Variants in OGFOD1 observed in about 807,000 individuals in gnomAD.
OGFOD1 encodes prolyl 3-hydroxylase OGFOD1.
OGFOD1 carries 54 observed loss-of-function variants against 67.7 expected under a neutral mutation model. The ratio of observed to expected loss-of-function variants is 0.80; its 90% CI spans 0.64 to 1.00. The LOEUF (loss-of-function observed/expected upper bound fraction) is 1.00, where lower values mean the gene tolerates loss of function less well. Ranked by LOEUF, OGFOD1 falls within the 50% of genes least tolerant of loss-of-function variation. The pLI, the probability that OGFOD1 is intolerant of heterozygous loss-of-function variation, is 0.00. For missense variants in OGFOD1, 606 were observed against 646.7 expected (o/e 0.94, Z 0.68); for synonymous variants, 221 against 227.0 (o/e 0.97, Z 0.24).
At chr16:56,466,989 T>C in intron 6 of OGFOD1, 22 bp downstream of exon 6, 2 of 1,570,400 alleles carry the variant, frequency 1.3e-6, no homozygotes, top group Non-Finnish European at 1.8e-6. Flanking sequence ...AAGCCACAAA[T>C]AGAGTAGCAA....
intron 1 of OGFOD1, among the ~76,000 whole-genome samples, chr16:56,452,596 G>GT (rs1409166184): frequency 1.9e-4 from 29 of 152,200 alleles, no homozygotes; most frequent in African/African-American, 6.5e-4. Context: ...ATAGCTTAGT[G>GT]TTTAAGTGCA....
chr16:56,452,873 G>A (rs892377405), intron 1 of OGFOD1, among the ~76,000 whole-genome samples: 3 of 152,072 alleles, frequency 2.0e-5, no homozygotes, highest in Non-Finnish European at 4.4e-5. Flanking sequence ...CTTGGGAAAA[G>A]CAAAAGCAGG....
At chr16:56,452,154 G>C (rs112108616) in intron 1 of OGFOD1, 12 of 170,886 alleles carry the variant, frequency 7.0e-5, no homozygotes, top group African/African-American at 2.6e-4. Flanking sequence ...ATTTACCTCG[G>C]AAAGTCGGTG....
At chr16:56,455,645 C>T (rs183652958) in intron 2 of OGFOD1, among the ~76,000 whole-genome samples, 17 of 152,292 alleles carry the variant, frequency 1.1e-4, no homozygotes, top group Admixed American at 5.2e-4. Flanking sequence ...GGGTCTCTGA[C>T]ATCTTCCAAC....
In OGFOD1 at chr16:56,467,975, A is replaced by T. The variant is rs1962976830; in HGVS notation, c.857A>T (p.Glu286Val). Residue 286 changes from glutamate to valine, a missense_variant, in exon 8 of 13, where the codon GAG (glutamate) becomes GTG (valine). Coordinates refer to ENST00000566157, the MANE Select transcript of OGFOD1 (RefSeq NM_018233.4). ...GATTACCAAGTTCAAATTCAAGAAG[A>T]GTTTGAAGAAAGTTCTGAAATTCTC... Reference protein sequence around the residue: ...DMDYQVQIQEEFEESSEILLK... With the variant: ...DMDYQVQIQEVFEESSEILLK... 1.9e-6 allele frequency: 3 copies of T among 1,604,610 alleles called. No homozygotes were observed. In the East Asian group the frequency reaches 6.7e-5, roughly 36 times the overall value.
In OGFOD1 at chr16:56,466,267, T is replaced by C. The variant is rs751253074; in HGVS notation, c.564T>C (p.Asp188=). ...MGGTLDLYSI[D]EHFQPKQIVK... is the part of the protein sequence containing the mutation. ...GTACCCTGGACCTGTACAGCATTGA[T>C]GGTAAGATAAGTATAAGTGCATGCA... Residue 188 remains aspartate (D), a splice_region_variant and synonymous_variant, in exon 5 of 13, where the codon GAT becomes GAC. Coordinates refer to ENST00000566157, the MANE Select transcript of OGFOD1 (RefSeq NM_018233.4). 1 of 1,597,176 alleles carries C rather than the reference T, an allele frequency of 6.3e-7. No individual in the cohort carries two copies. Among genetic ancestry groups the C allele is most frequent in the South Asian group, 1.1e-5 (1 of 90,616 alleles).
At chr16:56,458,371 C>T (rs1962596590) in intron 2 of OGFOD1, 177 bp from the exon 3 acceptor site, 1 of 634,968 alleles carries the variant, frequency 1.6e-6, no homozygotes, top group Non-Finnish European at 2.8e-6. Flanking sequence ...AGGGTAATAA[C>T]TTGTCAAGTC....
chr16:56,467,419 T>G, intron 7 of OGFOD1, 126 bp downstream of exon 7: 3 of 1,132,228 alleles, frequency 2.6e-6, no homozygotes, highest in Non-Finnish European at 2.5e-6. Flanking sequence ...ACTTTTCTTT[T>G]TTTTTTCTTC....
intron 2 of OGFOD1, among the ~76,000 whole-genome samples, chr16:56,457,775 G>C (rs192876746): frequency 5.9e-5 from 9 of 152,124 alleles, no homozygotes; most frequent in Middle Eastern, 3.4e-3. Context: ...CCGCCTCCAG[G>C]TTAAAATGAT....
intron 3 of OGFOD1, among the ~76,000 whole-genome samples, chr16:56,459,138 C>G (rs1462554737): frequency 6.6e-6 from 1 of 152,040 alleles, no homozygotes; most frequent in Non-Finnish European, 1.5e-5. Flanking sequence ...GTCAGGAGTT[C>G]AAGACCAGCC....
chr16:56,468,913 G>A (rs1286292975), intron 8 of OGFOD1, among the ~76,000 whole-genome samples: 1 of 152,114 alleles, frequency 6.6e-6, no homozygotes, highest in East Asian at 1.9e-4. Context: ...TGCTGGCATG[G>A]CACTTTACAG....
At chr16:56,460,688 G>A (rs1748746030) in intron 3 of OGFOD1, among the ~76,000 whole-genome samples, 1 of 152,120 alleles carries the variant, frequency 6.6e-6, no homozygotes, top group African/African-American at 2.4e-5. Context: ...AAAGGTATTT[G>A]GTAATGAAAT....
In OGFOD1 at chr16:56,465,479, T is replaced by C. The variant is rs537268934; in HGVS notation, c.449-673T>C. 1.9e-3 allele frequency among the ~76,000 whole-genome samples: 297 copies of C among 152,312 alleles called. 4 individuals are homozygous for C. The highest frequency in any genetic ancestry group is 2.2e-3 in the Non-Finnish European group (148 of 68,034). The stretch of plus-strand genomic sequence containing the variant: ...CATTATCTTCAATGTATTTATCTAT[T>C]GAAACAATCCCTCCATGTGTAATTG... On this transcript the variant is annotated intron_variant, in intron 4 of 12. Coordinates refer to ENST00000566157, the MANE Select transcript of OGFOD1 (RefSeq NM_018233.4).
rs1156922817 is a variant in OGFOD1 at position 56,477,110 on chromosome 16, C to CA, written c.*907dup. 2.0e-5 allele frequency: 3 copies of CA among 150,000 alleles called. No homozygotes were observed. In the East Asian group the frequency reaches 5.9e-4, roughly 29 times the overall value. The allele number at this position is 150,000 out of a possible 1,614,324, so 9.3% of individuals were successfully genotyped here. A position where few individuals can be genotyped will look rare whatever the true frequency, so the allele number is the denominator to read the frequency against. ...TGCCACTGCACTCCAGCCTGGGCAA[C>CA]AAGAGTGAAACTCTGTCTCAAAAAA... On this transcript the variant is annotated 3_prime_UTR_variant, in exon 13 of 13. Transcript: ENST00000566157.
Position 56,455,195 on chromosome 16 carries a change from G to T in OGFOD1, c.300+1787G>T, listed in dbSNP as rs957399067. On this transcript the variant is annotated intron_variant, in intron 2 of 12. Coordinates refer to ENST00000566157, the MANE Select transcript of OGFOD1 (RefSeq NM_018233.4). Reference sequence around the variant, plus strand: ...ATCCTGGCTAACACAGTGAAACCCCGTATCTACTAAAAATACAAAAAATTA... The same window carrying T: ...ATCCTGGCTAACACAGTGAAACCCCTTATCTACTAAAAATACAAAAAATTA... Among the ~76,000 whole-genome samples the T allele has an allele frequency of 6.6e-5, 10 of 152,156 alleles. No individual in the cohort carries two copies. The East Asian group carries it at 1.9e-3, about 29-fold the overall frequency.
Position 56,470,692 on chromosome 16 carries a change from C to G in OGFOD1, c.1186C>G (p.Pro396Ala), listed in dbSNP as rs759952734. The G allele has an allele frequency of 3.1e-6, 5 of 1,614,114 alleles. No homozygotes were observed. The highest frequency in any genetic ancestry group is 4.2e-6 in the Non-Finnish European group (5 of 1,180,004). ...DITEEGTSHS[P>A]PEPENNQMAI... ...CACTGAAGAAGGGACTAGCCATAGT[C>G]CTCCTGAGCCAGAGAATAATCAGAT... is the stretch of plus-strand genomic sequence containing the variant. The change falls in exon 10 of 13, where the codon CCT becomes GCT. Residue 396 changes from proline (P) to alanine (A), a missense_variant. Physicochemically the swap from Pro to Ala is conservative, Grantham distance 27. Coordinates refer to ENST00000566157, the MANE Select transcript of OGFOD1 (RefSeq NM_018233.4).
chr16:56,475,001 C>A (rs750474285), intron 11 of OGFOD1, 51 bp downstream of exon 11: 2 of 1,595,548 alleles, frequency 1.3e-6, no homozygotes, highest in South Asian at 1.1e-5. Context: ...GAGGGGCAGT[C>A]TCTTCTGAGG....
intron 2 of OGFOD1, chr16:56,458,328 G>A (rs541782156): frequency 1.1e-4 from 61 of 544,336 alleles, no homozygotes; most frequent in East Asian, 7.1e-4. Flanking sequence ...CTATAATAAC[G>A]ACTTAAGTAT....
At position 56,458,206 on chromosome 16, in the gene OGFOD1, C is replaced by T. The variant is rs1456630278; in HGVS notation, c.301-342C>T. On this transcript the variant is annotated intron_variant, in intron 2 of 12. Transcript: ENST00000566157. ...CAAACCACTCCCCAGGCTTAGCACT[C>T]CCCATTCTTTCCCTGGGTTTCTTTT... 2.2e-5 allele frequency: 6 copies of T among 276,126 alleles called. No homozygotes were observed. The East Asian group carries it at 5.8e-4, about 27-fold the overall frequency. The allele number at this position is 276,126 out of a possible 1,614,324, so 17.1% of individuals were successfully genotyped here. A position where few individuals can be genotyped will look rare whatever the true frequency, so the allele number is the denominator to read the frequency against.
Sources: gnomAD v4.1 joint callset for allele counts (sites outside exome capture counted in the v4.1 genomes callset) on GRCh38, gnomAD v4.1.1 for gene constraint, MANE v1.5 for transcripts, NCBI Gene and HGNC (gene_info 2026-07-23, HGNC 2026-07-21) for gene names.